ZDHHC21: variants seen among roughly 807,000 people sequenced by gnomAD.
ZDHHC21 encodes zDHHC palmitoyltransferase 21, also known as palmitoyltransferase ZDHHC21.
ZDHHC21 carries 15 observed loss-of-function variants against 34.6 expected under a neutral mutation model. The ratio of observed to expected loss-of-function variants is 0.43; its 90% CI spans 0.29 to 0.67. ZDHHC21 has a LOEUF of 0.67. Among genes scored for constraint, ZDHHC21 ranks in the 30% least tolerant of loss-of-function variants. The probability of loss-of-function intolerance (pLI) is 0.14; values close to 1 mark genes in which losing one functional copy is unlikely to be tolerated. For missense variants in ZDHHC21, 344 were observed against 327.7 expected (o/e 1.05, Z -0.38); for synonymous variants, 142 against 101.8 (o/e 1.40, Z -2.38).
the ZDHHC21 span, among the ~76,000 whole-genome samples, chr9:14,605,958 T>C: frequency 1.3e-5 from 2 of 152,190 alleles, no homozygotes; most frequent in African/African-American, 4.8e-5. Context: ...AAACTTCAAA[T>C]GGATTCAAGG....
chr9:14,680,835 G>T (rs570229413), intron 2 of ZDHHC21, among the ~76,000 whole-genome samples: 2 of 152,180 alleles, frequency 1.3e-5, no homozygotes, highest in Admixed American at 6.5e-5. Context: ...AGAGAGCAAG[G>T]GGACAAAACT....
chr9:14,662,147 G>T (rs2133946273), intron 6 of ZDHHC21, 68 bp downstream of exon 6: 4 of 1,125,170 alleles, frequency 3.6e-6, no homozygotes, highest in Non-Finnish European at 1.3e-6. Context: ...GTTTAAAGCT[G>T]CCAAGTTGTA....
At chr9:14,623,733 G>C (rs189511898) in intron 8 of ZDHHC21, among the ~76,000 whole-genome samples, 4 of 150,814 alleles carry the variant, frequency 2.7e-5, no homozygotes, top group Non-Finnish European at 5.9e-5. Context: ...GGTATATGAA[G>C]AAATGTTCAA....
At chr9:14,686,378 C>T (rs910339769) in intron 2 of ZDHHC21, among the ~76,000 whole-genome samples, 33 of 152,074 alleles carry the variant, frequency 2.2e-4, no homozygotes, top group Non-Finnish European at 2.9e-5. Flanking sequence ...AAGGGTGGAA[C>T]CATTCTCCAA....
the ZDHHC21 span, among the ~76,000 whole-genome samples, chr9:14,591,434 T>C: frequency 0.057 from 8,749 of 152,172 alleles, 334 homozygotes; most frequent in East Asian, 0.15. Context: ...CTGAATCTGC[T>C]GGAGCCTTGA....
At chr9:14,592,601 A>C in the ZDHHC21 span, among the ~76,000 whole-genome samples, 5 of 152,160 alleles carry the variant, frequency 3.3e-5, no homozygotes, top group African/African-American at 1.2e-4. Flanking sequence ...TCAATAATTG[A>C]CAGAAAATCT....
intron 2 of ZDHHC21, chr9:14,683,497 C>G (rs531656898): frequency 6.6e-6 from 1 of 151,922 alleles, no homozygotes; most frequent in Non-Finnish European, 1.5e-5. Flanking sequence ...AAGACTAAAC[C>G]AGGAAGAAGT....
chr9:14,659,285 G>C (rs1281542131), intron 6 of ZDHHC21, among the ~76,000 whole-genome samples: 3 of 152,060 alleles, frequency 2.0e-5, no homozygotes, highest in African/African-American at 7.2e-5. Flanking sequence ...CTTCCTTTAG[G>C]GCATTCTAGC....
intron 6 of ZDHHC21, among the ~76,000 whole-genome samples, chr9:14,661,646 CAA>C (rs1304902256): frequency 5.9e-5 from 9 of 152,278 alleles, no homozygotes; most frequent in South Asian, 4.1e-4. Context: ...TTAAATATTA[CAA>C]GAGAGCCCCC....
intron 7 of ZDHHC21, among the ~76,000 whole-genome samples, chr9:14,656,597 T>C (rs930253685): frequency 7.9e-5 from 12 of 151,914 alleles, no homozygotes; most frequent in African/African-American, 2.9e-4. Flanking sequence ...ATGGTGGTAA[T>C]TATAAAAGTA....
the ZDHHC21 span, chr9:14,594,047 G>C: frequency 6.6e-6 from 1 of 152,088 alleles, no homozygotes; most frequent in African/African-American, 2.4e-5. Flanking sequence ...TCTAAGAAAT[G>C]GATAGCCCTC....
At chr9:14,649,246 A>G (rs1830802831) in intron 7 of ZDHHC21, among the ~76,000 whole-genome samples, 1 of 152,114 alleles carries the variant, frequency 6.6e-6, no homozygotes, top group Non-Finnish European at 1.5e-5. Context: ...AAACACCTGG[A>G]GACAGTAAAA....
intron 3 of ZDHHC21, among the ~76,000 whole-genome samples, chr9:14,676,088 A>G (rs1219247639): frequency 6.6e-6 from 1 of 152,026 alleles, no homozygotes; most frequent in Non-Finnish European, 1.5e-5. Flanking sequence ...CAGGGGATTA[A>G]CATGACGAAA....
At chr9:14,658,090 G>C (rs1165804978) in intron 7 of ZDHHC21, among the ~76,000 whole-genome samples, 1 of 152,072 alleles carries the variant, frequency 6.6e-6, no homozygotes, top group African/African-American at 2.4e-5. Flanking sequence ...TCTCAAGAAC[G>C]TAACTATTTG....
At chr9:14,654,202 A>C (rs1217547569) in intron 7 of ZDHHC21, among the ~76,000 whole-genome samples, 1 of 152,040 alleles carries the variant, frequency 6.6e-6, no homozygotes, top group East Asian at 1.9e-4. Context: ...CTATTGGAAT[A>C]AAGGCAAATT....
intron 8 of ZDHHC21, among the ~76,000 whole-genome samples, chr9:14,635,830 T>C (rs1293658716): frequency 6.6e-6 from 1 of 152,128 alleles, no homozygotes; most frequent in East Asian, 1.9e-4. Context: ...TGCTGCACTC[T>C]AGCCTAGGCA....
At chr9:14,600,137 T>C in the ZDHHC21 span, among the ~76,000 whole-genome samples, 3 of 152,144 alleles carry the variant, frequency 2.0e-5, no homozygotes, top group African/African-American at 7.2e-5. Context: ...TTCAACATAG[T>C]ATTGGAAGTT....
Position 14,616,343 on chromosome 9 carries a change from C to T in ZDHHC21, c.*2623G>A, listed in dbSNP as rs544982608. 6.6e-6 allele frequency: 1 copy of T among 151,828 alleles called. No individual in the cohort carries two copies. Among genetic ancestry groups the T allele is most frequent in the Admixed American group, 6.6e-5 (1 of 15,200 alleles). 9.4% of individuals were successfully genotyped at this position (151,828 alleles called of 1,614,324 possible). A position where few individuals can be genotyped will look rare whatever the true frequency, so the allele number is the denominator to read the frequency against. On this transcript the variant is annotated 3_prime_UTR_variant, in exon 10 of 10. Transcript: ENST00000380916. ...CTGATATAAATTTGTGATTGATTGACAGCAAGAATATAATGGGAACGTACA... is the reference window on the plus strand; with the variant it reads ...CTGATATAAATTTGTGATTGATTGATAGCAAGAATATAATGGGAACGTACA...
chr9:14,617,900 T>C lies in ZDHHC21; in HGVS notation c.*1066A>G, dbSNP rs1824548299. Reference sequence around the variant, plus strand: ...TTATAGGTACACAAAGTTAGTGACTTTTTTTAGTAGTAGCTTCCTATAAAT... The same window carrying C: ...TTATAGGTACACAAAGTTAGTGACTCTTTTTAGTAGTAGCTTCCTATAAAT... On this transcript the variant is annotated 3_prime_UTR_variant, in exon 10 of 10. Coordinates refer to ENST00000380916, the MANE Select transcript of ZDHHC21 (RefSeq NM_178566.6). 1.3e-5 allele frequency: 2 copies of C among 151,964 alleles called. No homozygotes were observed. Among genetic ancestry groups the C allele is most frequent in the Non-Finnish European group, 2.9e-5 (2 of 67,916 alleles). The allele number at this position is 151,964 out of a possible 1,614,324, so 9.4% of individuals were successfully genotyped here.
Sources: gnomAD v4.1 joint callset for allele counts (sites outside exome capture counted in the v4.1 genomes callset) on GRCh38, gnomAD v4.1.1 for gene constraint, MANE v1.5 for transcripts, NCBI Gene and HGNC (gene_info 2026-07-23, HGNC 2026-07-21) for gene names.